Variants in STAU2 observed in about 807,000 individuals in gnomAD.
The protein encoded by STAU2 is double-stranded RNA-binding protein Staufen homolog 2.
In STAU2, 20 loss-of-function variants were observed where a neutral mutation model predicts 65.9. The ratio of observed to expected loss-of-function variants is 0.30; its 90% confidence interval spans 0.21 to 0.44. STAU2 has a LOEUF of 0.44. Among genes scored for constraint, STAU2 ranks in the 20% least tolerant of loss-of-function variants. STAU2 has a pLI of 1.00. For synonymous variants in STAU2, 232 were observed against 233.9 expected (o/e 0.99, Z 0.07); for missense variants, 558 against 683.9 (o/e 0.82, Z 2.05).
intron 1 of STAU2, among the ~76,000 whole-genome samples, chr8:73,741,304 C>CAAAAAAAAA (rs761906073): frequency 2.7e-5 from 3 of 112,110 alleles, no homozygotes; most frequent in African/African-American, 4.0e-5. Flanking sequence ...GACTCCGTCT[C>CAAAAAAAAA]AAAAAAAAAA....
intron 13 of STAU2, among the ~76,000 whole-genome samples, chr8:73,424,891 G>A (rs915575176): frequency 4.6e-5 from 7 of 151,960 alleles, no homozygotes; most frequent in East Asian, 3.9e-4. Context: ...GCCCTGGCCC[G>A]GGCATCCCGA....
chr8:73,747,175 G>A (rs1337451386), upstream of STAU2: 3 of 524,082 alleles, frequency 5.7e-6, no homozygotes, highest in African/African-American at 4.0e-5. Context: ...GGCCATTCCC[G>A]GGGGGCTTGG....
chr8:73,431,405 T>C (rs1370337210), intron 13 of STAU2, among the ~76,000 whole-genome samples: 1 of 152,230 alleles, frequency 6.6e-6, no homozygotes, highest in Non-Finnish European at 1.5e-5. Flanking sequence ...AAATGTAGCT[T>C]CCTTTGAAGG....
intron 3 of STAU2, among the ~76,000 whole-genome samples, chr8:73,733,855 A>G (rs1288694547): frequency 6.6e-6 from 1 of 152,190 alleles, no homozygotes; most frequent in Non-Finnish European, 1.5e-5. Flanking sequence ...TTTGGGAGCT[A>G]TACACCAAAT....
chr8:73,496,746 T>G (rs181467369), intron 13 of STAU2, among the ~76,000 whole-genome samples: 119 of 151,880 alleles, frequency 7.8e-4, no homozygotes, highest in African/African-American at 2.8e-3. Context: ...AACTTATTAC[T>G]GAGATCATTT....
chr8:73,649,261 T>G (rs1815636389), intron 6 of STAU2, among the ~76,000 whole-genome samples: 2 of 152,234 alleles, frequency 1.3e-5, no homozygotes, highest in African/African-American at 4.8e-5. Flanking sequence ...AAAATATTTT[T>G]TTGATATCCA....
At chr8:73,614,021 C>G (rs974104343) in intron 8 of STAU2, 65 bp from the exon 9 acceptor site, 3 of 1,322,176 alleles carry the variant, frequency 2.3e-6, no homozygotes, top group Non-Finnish European at 3.1e-6. Context: ...TAAAGTATGA[C>G]TTAATATTCA....
intron 11 of STAU2, among the ~76,000 whole-genome samples, chr8:73,588,314 T>A (rs528150255): frequency 6.6e-6 from 1 of 152,296 alleles, no homozygotes; most frequent in East Asian, 1.9e-4. Context: ...TGAATGTAAG[T>A]AAGAAGAAAG....
At chr8:73,658,424 T>G (rs1257670963) in intron 6 of STAU2, among the ~76,000 whole-genome samples, 4 of 152,118 alleles carry the variant, frequency 2.6e-5, no homozygotes, top group Non-Finnish European at 5.9e-5. Context: ...AATGTTTCTA[T>G]GAGAAAATAC....
intron 1 of STAU2, among the ~76,000 whole-genome samples, chr8:73,744,141 C>T (rs970836924): frequency 6.6e-6 from 1 of 152,016 alleles, no homozygotes; most frequent in African/African-American, 2.4e-5. Flanking sequence ...TTTCCTGGAA[C>T]AAAGTCAAGG....
intron 13 of STAU2, among the ~76,000 whole-genome samples, chr8:73,461,484 T>C (rs913066459): frequency 4.6e-5 from 7 of 152,086 alleles, no homozygotes; most frequent in African/African-American, 1.7e-4. Flanking sequence ...CCTCTGTGGT[T>C]TGAAAGACAA....
intron 13 of STAU2, among the ~76,000 whole-genome samples, chr8:73,502,774 C>A (rs781195488): frequency 1.5e-4 from 23 of 151,946 alleles, no homozygotes; most frequent in Non-Finnish European, 2.9e-4. Context: ...GTTTACATTA[C>A]AGATTTTCTT....
intron 12 of STAU2, among the ~76,000 whole-genome samples, chr8:73,570,395 A>T (rs955206810): frequency 1.3e-5 from 2 of 152,200 alleles, no homozygotes; most frequent in African/African-American, 4.8e-5. Context: ...TCTGCAGGAT[A>T]TTATCCAGGA....
intron 13 of STAU2, among the ~76,000 whole-genome samples, chr8:73,511,931 A>G (rs1291769987): frequency 6.6e-6 from 1 of 152,202 alleles, no homozygotes; most frequent in Admixed American, 6.5e-5. Context: ...GAATTTTTGC[A>G]TATGGTATGA....
At chr8:73,479,472 G>GCACACACACAAACA (rs6150656) in intron 13 of STAU2, among the ~76,000 whole-genome samples, 3 of 139,842 alleles carry the variant, frequency 2.1e-5, no homozygotes, top group African/African-American at 8.1e-5. Flanking sequence ...TCCCTATTCT[G>GCACACACACAAACA]CACACACACA....
intron 6 of STAU2, among the ~76,000 whole-genome samples, chr8:73,633,293 C>T (rs7832368): frequency 0.33 from 49,874 of 152,064 alleles, 9,645 homozygotes; most frequent in African/African-American, 0.53. Flanking sequence ...TTGGCCTAGG[C>T]GGAACCAGGT....
At chr8:73,448,955 A>G (rs1351125787) in intron 13 of STAU2, among the ~76,000 whole-genome samples, 1 of 152,222 alleles carries the variant, frequency 6.6e-6, no homozygotes. Flanking sequence ...AGGGGCCTGC[A>G]GCCCGGCTGG....
At chr8:73,603,954 C>G (rs1465798799) in intron 9 of STAU2, 91 bp from the exon 10 acceptor site, 1 of 1,350,502 alleles carries the variant, frequency 7.4e-7, no homozygotes, top group Non-Finnish European at 9.9e-7. Context: ...CCTCCACCCC[C>G]ACACCCCAAA....
chr8:73,663,578 C>T (rs1211105311), intron 6 of STAU2, among the ~76,000 whole-genome samples: 1 of 151,590 alleles, frequency 6.6e-6, no homozygotes, highest in African/African-American at 2.4e-5. Context: ...TTTGCAGTAG[C>T]CAAATTGTTT....
Sources: allele counts gnomAD v4.1 joint callset (sites outside exome capture counted in the v4.1 genomes callset), GRCh38; gene constraint gnomAD v4.1.1; transcripts MANE v1.5; gene names NCBI Gene and HGNC (gene_info 2026-07-23, HGNC 2026-07-21).